Variants in LHFPL6 observed in about 807,000 individuals in gnomAD.
LHFPL6 encodes the protein LHFPL tetraspan subfamily member 6, also known as LHFPL tetraspan subfamily member 6 protein.
In LHFPL6, 9 loss-of-function variants were observed where a neutral mutation model predicts 20.6. The ratio of observed to expected loss-of-function variants is 0.44; its 90% CI spans 0.26 to 0.76. LHFPL6 has a LOEUF of 0.76. Among genes scored for constraint, LHFPL6 ranks in the 30% least tolerant of loss-of-function variants. LHFPL6 has a pLI of 0.20. For missense variants in LHFPL6, 218 were observed against 253.5 expected (o/e 0.86, Z 0.95); for synonymous variants, 105 against 98.7 (o/e 1.06, Z -0.38).
chr13:39,378,389 C>T (rs371837155), intron 3 of LHFPL6, 39 bp downstream of exon 3: 1 of 1,540,380 alleles, frequency 6.5e-7, no homozygotes, highest in African/African-American at 1.4e-5. Context: ...AGATAAGGTT[C>T]TTTTTCTAAA....
chr13:39,461,020 T>C (rs1342321255), intron 2 of LHFPL6, among the ~76,000 whole-genome samples: 2 of 152,168 alleles, frequency 1.3e-5, no homozygotes, highest in Admixed American at 1.3e-4. Flanking sequence ...TAAGTGTCTA[T>C]TGTTCCCCTC....
chr13:39,570,594 T>A (rs1188287492), intron 2 of LHFPL6, among the ~76,000 whole-genome samples: 1 of 151,048 alleles, frequency 6.6e-6, no homozygotes, highest in African/African-American at 2.4e-5. Flanking sequence ...AATGTATATA[T>A]TAGAATGATA....
chr13:39,603,068 C>G lies in LHFPL6; in HGVS notation c.-360G>C, dbSNP rs1224863612. On this transcript the variant is annotated 5_prime_UTR_variant, in exon 1 of 4. Transcript: ENST00000379589. ...CAGGGGTTGGCAGGAGGCGGAGGGT[C>G]TCCAGAAGCGGGCTGGCACCAGCGG... The G allele has an allele frequency of 3.3e-5, 5 of 152,444 alleles. No individual in the cohort carries two copies. Among genetic ancestry groups the G allele is most frequent in the Non-Finnish European group, 7.3e-5 (5 of 68,250 alleles). 9.4% of individuals were successfully genotyped at this position (152,444 alleles called of 1,614,324 possible).
rs1265601986 is a variant in LHFPL6 at position 39,454,612 on chromosome 13, G to C, written c.386-76086C>G. On this transcript the variant is annotated intron_variant, in intron 2 of 3. Transcript: ENST00000379589. ...CCACTGCACTCCAGCCTGGGCGACA[G>C]AGCGAGACTCCGTCTCAAAAAAAAA... Among the ~76,000 whole-genome samples the C allele has an allele frequency of 9.9e-4, 26 of 26,180 alleles. 8 individuals are homozygous for C. In the African/African-American group the frequency reaches 0.011, roughly 11 times the overall value. The allele number at this position is 26,180 out of a possible 152,430, so 17.2% of individuals were successfully genotyped here.
At chr13:39,508,438 T>A (rs1869569966) in intron 2 of LHFPL6, among the ~76,000 whole-genome samples, 1 of 152,252 alleles carries the variant, frequency 6.6e-6, no homozygotes, top group Admixed American at 6.5e-5. Flanking sequence ...ATCTATTACC[T>A]GATCACATTT....
chr13:39,483,493 T>G (rs1213197046), intron 2 of LHFPL6, among the ~76,000 whole-genome samples: 1 of 151,958 alleles, frequency 6.6e-6, no homozygotes, highest in Non-Finnish European at 1.5e-5. Context: ...ATTTTTTTTT[T>G]TTTTTTTTTT....
chr13:39,394,226 C>T (rs1292138848), intron 2 of LHFPL6, among the ~76,000 whole-genome samples: 3 of 152,172 alleles, frequency 2.0e-5, no homozygotes, highest in African/African-American at 7.2e-5. Context: ...AGGTGTGAAC[C>T]ACTGCACCGA....
intron 2 of LHFPL6, among the ~76,000 whole-genome samples, chr13:39,498,485 T>C (rs770957804): frequency 2.0e-5 from 3 of 152,322 alleles, no homozygotes; most frequent in Non-Finnish European, 4.4e-5. Context: ...AAAAGGCATA[T>C]TGGCCCCTTT....
chr13:39,359,482 A>T (rs1208966150), intron 3 of LHFPL6, among the ~76,000 whole-genome samples: 2 of 147,552 alleles, frequency 1.4e-5, no homozygotes, highest in Non-Finnish European at 3.1e-5. Context: ...ACATGGCCAT[A>T]AAAAAAATCA....
At chr13:39,364,147 G>A (rs1423716063) in intron 3 of LHFPL6, among the ~76,000 whole-genome samples, 2 of 152,118 alleles carry the variant, frequency 1.3e-5, no homozygotes, top group African/African-American at 2.4e-5. Context: ...AAATGAGATC[G>A]TTAGAAAACA....
intron 3 of LHFPL6, among the ~76,000 whole-genome samples, chr13:39,362,315 G>A (rs1273676245): frequency 1.3e-5 from 2 of 152,148 alleles, no homozygotes; most frequent in Admixed American, 6.5e-5. Flanking sequence ...TAGGTAAGAC[G>A]TGCCTGGTTC....
chr13:39,394,271 C>A (rs1050205053), intron 2 of LHFPL6, among the ~76,000 whole-genome samples: 23 of 152,140 alleles, frequency 1.5e-4, no homozygotes, highest in African/African-American at 5.6e-4. Flanking sequence ...AGACACCAAT[C>A]AGATTAGATT....
chr13:39,484,392 T>C (rs1474885160), intron 2 of LHFPL6, among the ~76,000 whole-genome samples: 3 of 152,150 alleles, frequency 2.0e-5, no homozygotes, highest in Non-Finnish European at 2.9e-5. Context: ...CTGCTGTTGT[T>C]AGAAAATTTA....
intron 2 of LHFPL6, among the ~76,000 whole-genome samples, chr13:39,478,384 G>C (rs954032020): frequency 3.3e-5 from 5 of 152,116 alleles, no homozygotes; most frequent in African/African-American, 9.7e-5. Flanking sequence ...TCACAAACTA[G>C]AAAGGAAGCT....
At chr13:39,417,094 T>C (rs1255981957) in intron 2 of LHFPL6, among the ~76,000 whole-genome samples, 1 of 152,156 alleles carries the variant, frequency 6.6e-6, no homozygotes, top group African/African-American at 2.4e-5. Flanking sequence ...AAAGGTGGGA[T>C]AGGCCAAGTT....
At chr13:39,521,817 T>C (rs557416585) in intron 2 of LHFPL6, among the ~76,000 whole-genome samples, 58 of 152,338 alleles carry the variant, frequency 3.8e-4, no homozygotes, top group Middle Eastern at 3.4e-3. Context: ...TGCAGATTAT[T>C]ATTGGCTTGC....
chr13:39,362,063 C>T (rs866047317), intron 3 of LHFPL6, among the ~76,000 whole-genome samples: 2 of 152,186 alleles, frequency 1.3e-5, no homozygotes, highest in African/African-American at 4.8e-5. Flanking sequence ...ATCAAAATTA[C>T]ACAAATATAA....
intron 2 of LHFPL6, among the ~76,000 whole-genome samples, chr13:39,592,044 C>T (rs1433022483): frequency 4.0e-5 from 6 of 150,178 alleles, no homozygotes; most frequent in African/African-American, 4.9e-5. Context: ...TGCAGTGAGC[C>T]GAGATCACAC....
At chr13:39,442,104 C>T (rs956588002) in intron 2 of LHFPL6, among the ~76,000 whole-genome samples, 4 of 152,110 alleles carry the variant, frequency 2.6e-5, no homozygotes, top group African/African-American at 4.8e-5. Context: ...GCTGGGATTA[C>T]AGGCATGAGC....
Sources: gnomAD v4.1 joint callset for allele counts (sites outside exome capture counted in the v4.1 genomes callset) on GRCh38, gnomAD v4.1.1 for gene constraint, MANE v1.5 for transcripts, NCBI Gene and HGNC (gene_info 2026-07-23, HGNC 2026-07-21) for gene names.